The following NETO2 variants were observed in gnomAD, a reference collection of about 807,000 sequenced individuals.
The protein encoded by NETO2 is neuropilin and tolloid-like protein 2.
A neutral mutation model predicts 62.5 loss-of-function variants in NETO2; 28 were observed. The observed-to-expected ratio is 0.45, with a 90% CI of 0.33 to 0.61. The LOEUF (loss-of-function observed/expected upper bound fraction) is 0.61. Among genes scored for constraint, NETO2 ranks in the 20% least tolerant of loss-of-function variants. The pLI, the probability that NETO2 is intolerant of heterozygous loss-of-function variation, is 0.02. For missense variants in NETO2, 548 were observed against 643.2 expected (o/e 0.85, Z 1.60); for synonymous variants, 214 against 219.1 (o/e 0.98, Z 0.21).
intron 7 of NETO2, among the ~76,000 whole-genome samples, chr16:47,105,929 T>TA (rs1963663854): frequency 3.3e-5 from 5 of 152,198 alleles, no homozygotes; most frequent in African/African-American, 7.2e-5. Flanking sequence ...CTCAAAAACT[T>TA]AAACACAGAT....
chr16:47,085,870 C>T (rs1326301841), intron 8 of NETO2, among the ~76,000 whole-genome samples: 2 of 151,810 alleles, frequency 1.3e-5, no homozygotes, highest in African/African-American at 2.4e-5. Flanking sequence ...CTTTGGGAGG[C>T]CGAGGTGGGC....
chr16:47,095,771 A>G (rs1025428193), intron 7 of NETO2, among the ~76,000 whole-genome samples: 10 of 152,338 alleles, frequency 6.6e-5, no homozygotes, highest in Admixed American at 6.5e-4. Flanking sequence ...CAGAACATCA[A>G]TAAGAAAATA....
chr16:47,094,486 T>C (rs964491665), intron 7 of NETO2, among the ~76,000 whole-genome samples: 3 of 151,784 alleles, frequency 2.0e-5, no homozygotes, highest in African/African-American at 7.3e-5. Flanking sequence ...AGTGCAGTGG[T>C]GCAATGTTGG....
chr16:47,121,877 C>T (rs1306485169), intron 6 of NETO2, among the ~76,000 whole-genome samples: 1 of 152,180 alleles, frequency 6.6e-6, no homozygotes, highest in African/African-American at 2.4e-5. Flanking sequence ...CTGGAGCTTA[C>T]ACATATGCTT....
chr16:47,114,704 C>T (rs1596727054), intron 6 of NETO2, among the ~76,000 whole-genome samples: 1 of 151,932 alleles, frequency 6.6e-6, no homozygotes, highest in Admixed American at 6.6e-5. Flanking sequence ...CCCGCCTCAG[C>T]CTCCCAAAGT....
intron 2 of NETO2, among the ~76,000 whole-genome samples, chr16:47,130,874 C>A (rs1027733255): frequency 1.3e-5 from 2 of 152,078 alleles, no homozygotes; most frequent in African/African-American, 2.4e-5. Context: ...CACTTACGAT[C>A]TGACCCTTTA....
At chr16:47,098,787 G>T (rs1264894342) in intron 7 of NETO2, among the ~76,000 whole-genome samples, 1 of 152,172 alleles carries the variant, frequency 6.6e-6, no homozygotes, top group South Asian at 2.1e-4. Flanking sequence ...AGAAAGGTCG[G>T]GTTACCCACA....
intron 1 of NETO2, among the ~76,000 whole-genome samples, chr16:47,137,748 T>C (rs1274329245): frequency 1.3e-5 from 2 of 152,248 alleles, no homozygotes; most frequent in African/African-American, 4.8e-5. Flanking sequence ...GCTCTCCATC[T>C]GTTTTTTAAT....
intron 4 of NETO2, among the ~76,000 whole-genome samples, chr16:47,124,263 C>T (rs1017414763): frequency 1.3e-5 from 2 of 152,170 alleles, no homozygotes; most frequent in African/African-American, 2.4e-5. Flanking sequence ...AAATCTTAAA[C>T]GGCATGGCGG....
At chr16:47,110,953 G>C (rs1351449064) in intron 6 of NETO2, among the ~76,000 whole-genome samples, 4 of 152,138 alleles carry the variant, frequency 2.6e-5, no homozygotes, top group Non-Finnish European at 5.9e-5. Context: ...GTGGAAAATT[G>C]GTAATGAAAT....
intron 7 of NETO2, among the ~76,000 whole-genome samples, chr16:47,099,018 C>A (rs1161229809): frequency 1.3e-5 from 2 of 152,096 alleles, no homozygotes; most frequent in Non-Finnish European, 2.9e-5. Flanking sequence ...CACCACCACA[C>A]CTGGGTAATT....
In NETO2 at chr16:47,123,350, G is replaced by A. The variant is rs368435834; in HGVS notation, c.482-438C>T. ...CCACTGAATTACACACTTAAAAATG[G>A]TTAAAGAGAGCTAGGCATGGTGGCT... On this transcript the variant is annotated intron_variant, in intron 4 of 8. Transcript: ENST00000562435. Among the ~76,000 whole-genome samples the A allele has an allele frequency of 1.6e-4, 25 of 152,226 alleles. No homozygotes were observed. In the East Asian group the frequency reaches 2.7e-3, roughly 16 times the overall value.
chr16:47,112,061 T>C (rs1280528253), intron 6 of NETO2, among the ~76,000 whole-genome samples: 1 of 152,132 alleles, frequency 6.6e-6, no homozygotes, highest in Non-Finnish European at 1.5e-5. Context: ...TGCCTTCTTT[T>C]GTATATTTAT....
Position 47,128,399 on chromosome 16 carries a change from A to C in NETO2, c.407T>G (p.Phe136Cys). Residue 136 changes from phenylalanine (F) to cysteine (C), a missense_variant, in exon 4 of 9, where the codon TTC becomes TGC. By Grantham distance (205) the Phe-to-Cys change is radical (BLOSUM62 -2). Coordinates refer to ENST00000562435, the MANE Select transcript of NETO2 (RefSeq NM_018092.5). ...ATCAGAACTAAACTTAATCCACATGAATCTCCCTGTTGATCTAATTAATGG... is the reference window on the plus strand; with the variant it reads ...ATCAGAACTAAACTTAATCCACATGCATCTCCCTGTTGATCTAATTAATGG... ...SPPLIRSTGR[F>C]MWIKFSSDEE... 1 of 1,614,100 alleles carries C rather than the reference A, an allele frequency of 6.2e-7. No homozygotes were observed.
intron 6 of NETO2, among the ~76,000 whole-genome samples, chr16:47,119,942 G>C (rs1355756075): frequency 6.6e-6 from 1 of 152,202 alleles, no homozygotes; most frequent in Non-Finnish European, 1.5e-5. Context: ...AATGCTAGTA[G>C]AGAATGCCTA....
At chr16:47,094,315 G>A (rs1963382360) in intron 7 of NETO2, among the ~76,000 whole-genome samples, 2 of 149,186 alleles carry the variant, frequency 1.3e-5, no homozygotes, top group Non-Finnish European at 3.0e-5. Flanking sequence ...AGTTTAAGGA[G>A]ATAGAAAAGC....
rs971894541 is a variant in NETO2 at position 47,079,582 on chromosome 16, G to A, written c.*3639C>T. Reference sequence around the variant, plus strand: ...TGCACTCCAGCCTGGGCGACAGAGCGAGACTCCGTCTCAAAAAAGAAAAAA... The same window carrying A: ...TGCACTCCAGCCTGGGCGACAGAGCAAGACTCCGTCTCAAAAAAGAAAAAA... On this transcript the variant is annotated 3_prime_UTR_variant, in exon 9 of 9. Coordinates refer to ENST00000562435, the MANE Select transcript of NETO2 (RefSeq NM_018092.5). 6 of 152,410 alleles carry A rather than the reference G, an allele frequency of 3.9e-5. No homozygotes were observed. The highest frequency in any genetic ancestry group is 1.4e-4 in the African/African-American group (6 of 41,448). 9.4% of individuals were successfully genotyped at this position (152,410 alleles called of 1,614,324 possible). A position where few individuals can be genotyped will look rare whatever the true frequency, so the allele number is the denominator to read the frequency against.
intron 1 of NETO2, among the ~76,000 whole-genome samples, chr16:47,139,721 C>G (rs1964427387): frequency 6.6e-6 from 1 of 152,208 alleles, no homozygotes; most frequent in South Asian, 2.1e-4. Context: ...GGGATCACTC[C>G]AGCCTACATA....
At position 47,079,057 on chromosome 16, in the gene NETO2, G is replaced by C. The variant is rs1030718030; in HGVS notation, c.*4164C>G. 22 of 152,100 alleles carry C rather than the reference G, an allele frequency of 1.4e-4. No homozygotes were observed. The highest frequency in any genetic ancestry group is 5.3e-4 in the African/African-American group (22 of 41,414). 9.4% of individuals were successfully genotyped at this position (152,100 alleles called of 1,614,324 possible). The stretch of plus-strand genomic sequence containing the variant: ...AGCACTTTGGGAGGCCGAGGCGGGC[G>C]GATCACGAGGTCAGGAGATCGAGAC... On this transcript the variant is annotated 3_prime_UTR_variant, in exon 9 of 9. Coordinates refer to ENST00000562435, the MANE Select transcript of NETO2 (RefSeq NM_018092.5).
Sources: gnomAD v4.1 joint callset for allele counts (sites outside exome capture counted in the v4.1 genomes callset) on GRCh38, gnomAD v4.1.1 for gene constraint, MANE v1.5 for transcripts, NCBI Gene and HGNC (gene_info 2026-07-23, HGNC 2026-07-21) for gene names.